LEPROTL1: variants seen among roughly 807,000 people sequenced by gnomAD.
The protein encoded by LEPROTL1 is leptin receptor overlapping transcript-like 1.
LEPROTL1 carries 6 observed loss-of-function variants against 15.4 expected under a neutral mutation model. That is an observed-to-expected ratio of 0.39 (90% CI 0.21 to 0.77). The LOEUF (loss-of-function observed/expected upper bound fraction) is 0.77. Among genes scored for constraint, LEPROTL1 ranks in the 30% least tolerant of loss-of-function variants. The pLI is 0.41. For missense variants in LEPROTL1, 128 were observed against 158.1 expected (o/e 0.81, Z 1.02); for synonymous variants, 56 against 52.6 (o/e 1.06, Z -0.28).
At position 30,106,357 on chromosome 8, in the gene LEPROTL1, A is replaced by G. The variant is rs1217381267; in HGVS notation, c.*495A>G. ...ATCACTCCCAATGTTATGCAGACAT[A>G]CAGACGGTTGGCATACGTTATAGAC... On this transcript the variant is annotated 3_prime_UTR_variant, in exon 4 of 4. Transcript: ENST00000321250. 3.0e-6 allele frequency: 3 copies of G among 986,292 alleles called. No homozygotes were observed. The highest frequency in any genetic ancestry group is 3.5e-5 in the African/African-American group (2 of 57,220). The allele number at this position is 986,292 out of a possible 1,614,324, so 61.1% of individuals were successfully genotyped here. A position where few individuals can be genotyped will look rare whatever the true frequency, so the allele number is the denominator to read the frequency against.
intron 3 of LEPROTL1, chr8:30,117,773 G>A (rs894023954): frequency 1.6e-5 from 13 of 823,106 alleles, no homozygotes; most frequent in East Asian, 4.8e-5. Flanking sequence ...ACATTCATGC[G>A]CACCATTGTG....
chr8:30,124,360 A>G (rs1448749480), intron 3 of LEPROTL1, among the ~76,000 whole-genome samples: 1 of 152,202 alleles, frequency 6.6e-6, no homozygotes, highest in Admixed American at 6.5e-5. Context: ...AAAAAATAGA[A>G]TATATTGAAC....
intron 3 of LEPROTL1, among the ~76,000 whole-genome samples, chr8:30,130,562 T>C (rs904797070): frequency 6.6e-6 from 1 of 152,122 alleles, no homozygotes; most frequent in Admixed American, 6.5e-5. Context: ...ATTTAGGATA[T>C]GCCAAGAAAA....
Position 30,106,488 on chromosome 8 carries a change from T to C in LEPROTL1, c.*626T>C, listed in dbSNP as rs144528247. On this transcript the variant is annotated 3_prime_UTR_variant, in exon 4 of 4. Coordinates refer to ENST00000321250, the MANE Select transcript of LEPROTL1 (RefSeq NM_015344.3). ...TTGGTTTTACTGGTAGACAGATGTT[T>C]TGTGGATTGAAAATTATTTTATGGA... The C allele has an allele frequency of 8.9e-4, 882 of 985,848 alleles. No individual in the cohort carries two copies. Among genetic ancestry groups the C allele is most frequent in the Non-Finnish European group, 1.0e-3 (838 of 829,918 alleles). 61.1% of individuals were successfully genotyped at this position (985,848 alleles called of 1,614,324 possible). A position where few individuals can be genotyped will look rare whatever the true frequency, so the allele number is the denominator to read the frequency against.
In LEPROTL1 at chr8:30,106,002, T is replaced by C. The variant is rs531685732; in HGVS notation, c.*140T>C. ...TTAGGTGCTCCCTTCTCACTTTTAT[T>C]GTAAGCATACTATTTTCACAGAGAC... On this transcript the variant is annotated 3_prime_UTR_variant, in exon 4 of 4. Coordinates refer to ENST00000321250, the MANE Select transcript of LEPROTL1 (RefSeq NM_015344.3). 26 of 1,263,296 alleles carry C rather than the reference T, an allele frequency of 2.1e-5. No homozygotes were observed. Among genetic ancestry groups the C allele is most frequent in the South Asian group, 2.0e-4 (8 of 39,698 alleles). The allele number at this position is 1,263,296 out of a possible 1,614,324, so 78.3% of individuals were successfully genotyped here. A position where few individuals can be genotyped will look rare whatever the true frequency, so the allele number is the denominator to read the frequency against.
At chr8:30,133,190 T>G (rs1287342947) in intron 4 of LEPROTL1, among the ~76,000 whole-genome samples, 1 of 152,202 alleles carries the variant, frequency 6.6e-6, no homozygotes, top group Non-Finnish European at 1.5e-5. Flanking sequence ...GTGCTGGGAT[T>G]ACAGGCATGA....
chr8:30,101,801 T>G, intron 1 of LEPROTL1, 97 bp from the exon 2 acceptor site: 1 of 715,350 alleles, frequency 1.4e-6, no homozygotes, highest in South Asian at 1.8e-5. Flanking sequence ...TTTTAGGGAT[T>G]TTTGCTTCTG....
chr8:30,117,577 CTG>C (rs1802760732), intron 3 of LEPROTL1: 1 of 1,402,438 alleles, frequency 7.1e-7, no homozygotes, highest in African/African-American at 1.4e-5. Context: ...TTTAGCCTGT[CTG>C]TGAGGTTCAC....
rs1802607764 is a variant in LEPROTL1 at position 30,108,496 on chromosome 8, A to C, written c.*2634A>C. 2.6e-5 allele frequency: 4 copies of C among 152,302 alleles called. No individual in the cohort carries two copies. In the South Asian group the frequency reaches 8.3e-4, roughly 32 times the overall value. 9.4% of individuals were successfully genotyped at this position (152,302 alleles called of 1,614,324 possible). A position where few individuals can be genotyped will look rare whatever the true frequency, so the allele number is the denominator to read the frequency against. ...AAATATTTCTGTTTGGTACACTGTG[A>C]AGAGAGAAAAGTACTGTTCTGTATT... is the stretch of plus-strand genomic sequence containing the variant. On this transcript the variant is annotated 3_prime_UTR_variant, in exon 4 of 4. Transcript: ENST00000321250.
intron 1 of LEPROTL1, among the ~76,000 whole-genome samples, chr8:30,101,670 CAAAAAAAAAAAAA>C (rs11316779): frequency 3.8e-5 from 2 of 52,712 alleles, no homozygotes; most frequent in African/African-American, 7.2e-5. Flanking sequence ...CTCCATCTCA[CAAAAAAAAAAAAA>C]AAAAAAAAAA....
At chr8:30,118,683 T>C (rs1437871170) in intron 3 of LEPROTL1, among the ~76,000 whole-genome samples, 5 of 152,202 alleles carry the variant, frequency 3.3e-5, no homozygotes, top group Non-Finnish European at 7.3e-5. Context: ...CCGGCACCGG[T>C]TTCTGAGTTC....
Position 30,107,014 on chromosome 8 carries a change from C to T in LEPROTL1, c.*1152C>T, listed in dbSNP as rs1466759865. 1.0e-6 allele frequency: 1 copy of T among 982,042 alleles called. No homozygotes were observed. Among genetic ancestry groups the T allele is most frequent in the African/African-American group, 1.7e-5 (1 of 57,290 alleles). The allele number at this position is 982,042 out of a possible 1,614,324, so 60.8% of individuals were successfully genotyped here. On this transcript the variant is annotated 3_prime_UTR_variant, in exon 4 of 4. Transcript: ENST00000321250. Reference sequence around the variant, plus strand: ...TTGTTAGTCTTACAGATAATTCATGCATTAACAGTTTAAGATTTAGACCAT... The same window carrying T: ...TTGTTAGTCTTACAGATAATTCATGTATTAACAGTTTAAGATTTAGACCAT...
chr8:30,098,991 C>T (rs1463088348), intron 1 of LEPROTL1, among the ~76,000 whole-genome samples: 3 of 152,192 alleles, frequency 2.0e-5, no homozygotes, highest in Non-Finnish European at 2.9e-5. Flanking sequence ...TTTCCTCCCT[C>T]CCCTCATACA....
intron 4 of LEPROTL1, among the ~76,000 whole-genome samples, chr8:30,134,371 C>T (rs1237443923): frequency 6.6e-6 from 1 of 150,798 alleles, no homozygotes; most frequent in Non-Finnish European, 1.5e-5. Flanking sequence ...TGCAGTGAGC[C>T]GAGATTGTGT....
intron 3 of LEPROTL1, chr8:30,117,579 G>C: frequency 7.1e-7 from 1 of 1,411,654 alleles, no homozygotes; most frequent in Non-Finnish European, 9.9e-7. Context: ...TAGCCTGTCT[G>C]TGAGGTTCAC....
chr8:30,102,056 T>C, intron 2 of LEPROTL1, 83 bp downstream of exon 2: 1 of 762,408 alleles, frequency 1.3e-6, no homozygotes, highest in Non-Finnish European at 2.2e-6. Flanking sequence ...TTTTTACTAC[T>C]GTAAAAGTAA....
Position 30,108,000 on chromosome 8 carries a change from C to T in LEPROTL1, c.*2138C>T. 5 of 959,884 alleles carry T rather than the reference C, an allele frequency of 5.2e-6. No homozygotes were observed. The highest frequency in any genetic ancestry group is 6.2e-6 in the Non-Finnish European group (5 of 806,758). 59.5% of individuals were successfully genotyped at this position (959,884 alleles called of 1,614,324 possible). A position where few individuals can be genotyped will look rare whatever the true frequency, so the allele number is the denominator to read the frequency against. On this transcript the variant is annotated 3_prime_UTR_variant, in exon 4 of 4. Transcript: ENST00000321250. Reference sequence around the variant, plus strand: ...ATTTTCCATAGAATATGCACTGATACAATATTACCATTCTTCTATGGAAAG... The same window carrying T: ...ATTTTCCATAGAATATGCACTGATATAATATTACCATTCTTCTATGGAAAG...
chr8:30,135,056 G>GT lies in LEPROTL1; in HGVS notation c.395-2200dup, dbSNP rs34509876. 3.8e-3 allele frequency among the ~76,000 whole-genome samples: 420 copies of GT among 111,774 alleles called. 6 individuals carry two copies. In the East Asian group the frequency reaches 0.07, roughly 19 times the overall value. 73.3% of individuals were successfully genotyped at this position (111,774 alleles called of 152,430 possible). A position where few individuals can be genotyped will look rare whatever the true frequency, so the allele number is the denominator to read the frequency against. Reference sequence around the variant, plus strand: ...TACCACGCCTAGTTAATTTTTGTGGGTTTTTTTTTTTTTTTTGTAGAGATG... The same window carrying GT: ...TACCACGCCTAGTTAATTTTTGTGGGTTTTTTTTTTTTTTTTTGTAGAGATG... On this transcript the variant is annotated intron_variant, in intron 4 of 4. Transcript: ENST00000442880.
chr8:30,106,470 T>C lies in LEPROTL1; in HGVS notation c.*608T>C. 1.0e-6 allele frequency: 1 copy of C among 985,884 alleles called. No individual in the cohort carries two copies. The highest frequency in any genetic ancestry group is 1.2e-6 in the Non-Finnish European group (1 of 829,934). The allele number at this position is 985,884 out of a possible 1,614,324, so 61.1% of individuals were successfully genotyped here. ...GCCCTCCGTTAAGGGTTGTTGGTTT[T>C]ACTGGTAGACAGATGTTTTGTGGAT... On this transcript the variant is annotated 3_prime_UTR_variant, in exon 4 of 4. Coordinates refer to ENST00000321250, the MANE Select transcript of LEPROTL1 (RefSeq NM_015344.3).
Sources: gnomAD v4.1 joint callset for allele counts (sites outside exome capture counted in the v4.1 genomes callset) on GRCh38, gnomAD v4.1.1 for gene constraint, MANE v1.5 for transcripts, NCBI Gene and HGNC (gene_info 2026-07-23, HGNC 2026-07-21) for gene names.